Variants in ACSM3 observed in about 807,000 individuals in gnomAD.
ACSM3 encodes acyl-coenzyme A synthetase ACSM3, mitochondrial.
In ACSM3, 61 loss-of-function variants were observed where a neutral mutation model predicts 74.1. The observed-to-expected ratio is 0.82, with a 90% CI of 0.67 to 1.02. The LOEUF (loss-of-function observed/expected upper bound fraction) is 1.02, where lower values mean the gene tolerates loss of function less well. Ranked by LOEUF, ACSM3 falls within the 50% of genes least tolerant of loss-of-function variation. ACSM3 has a pLI of 0.00. For missense variants in ACSM3, 660 were observed against 697.0 expected (o/e 0.95, Z 0.60); for synonymous variants, 213 against 241.5 (o/e 0.88, Z 1.09).
At chr16:20,765,683 G>T (rs1255296246) in intron 1 of ACSM3, among the ~76,000 whole-genome samples, 2 of 152,110 alleles carry the variant, frequency 1.3e-5, no homozygotes, top group African/African-American at 4.8e-5. Context: ...GTACAGGTCT[G>T]GCATATACCA....
chr16:20,753,002 A>G (rs1008138576), intron 2 of ACSM3, among the ~76,000 whole-genome samples: 4 of 152,240 alleles, frequency 2.6e-5, no homozygotes, highest in African/African-American at 9.6e-5. Flanking sequence ...GAATTTGGGA[A>G]ACTTTAGAGG....
rs566370720 is a variant in ACSM3 at position 20,697,324 on chromosome 16, A to C, written c.-190+22502A>C. Among the ~76,000 whole-genome samples the C allele has an allele frequency of 3.3e-5, 5 of 152,134 alleles. No homozygotes were observed. The East Asian group carries it at 9.7e-4, about 29-fold the overall frequency. On this transcript the variant is annotated intron_variant, in intron 1 of 3. Coordinates refer to the ACSM3 transcript ENST00000561584. ...GATTTCCTTCAAACATTCATCTCTG[A>C]CTTTGTGCCTGTCTCCCACGGCTCA...
chr16:20,739,065 C>G, intron 1 of ACSM3: 1 of 1,614,124 alleles, frequency 6.2e-7, no homozygotes, highest in East Asian at 2.2e-5. Context: ...TGATCCTTGT[C>G]TGTAAACTGT....
intron 1 of ACSM3, chr16:20,738,855 A>G (rs2079892921): frequency 6.2e-7 from 1 of 1,601,442 alleles, no homozygotes; most frequent in Non-Finnish European, 8.5e-7. Flanking sequence ...GAAGATACCC[A>G]GATGTTATGA....
chr16:20,785,472 T>C (rs1489871969), intron 8 of ACSM3, among the ~76,000 whole-genome samples: 1 of 152,146 alleles, frequency 6.6e-6, no homozygotes, highest in East Asian at 1.9e-4. Context: ...GCCTGAAATA[T>C]TAAGAGTTTG....
chr16:20,767,020 G>C (rs1176785605), intron 1 of ACSM3, among the ~76,000 whole-genome samples: 1 of 152,148 alleles, frequency 6.6e-6, no homozygotes. Flanking sequence ...TTTGAGACTA[G>C]AGGTGGGAGG....
At chr16:20,700,907 C>T (rs925449920) in intron 1 of ACSM3, among the ~76,000 whole-genome samples, 5 of 152,032 alleles carry the variant, frequency 3.3e-5, no homozygotes, top group Admixed American at 1.3e-4. Flanking sequence ...GGATGCCAGT[C>T]GGGAGGCTAC....
In ACSM3 at chr16:20,780,516, C is replaced by T. The variant is rs568573861; in HGVS notation, c.639-198C>T. 44 of 1,104,106 alleles carry T rather than the reference C, an allele frequency of 4.0e-5. No individual in the cohort carries two copies. The African/African-American group carries it at 6.3e-4, about 16-fold the overall frequency. The allele number at this position is 1,104,106 out of a possible 1,614,324, so 68.4% of individuals were successfully genotyped here. ...GCTATTATAAATGGGCCTTTGATGA[C>T]AAAGTTTAGTTTTGATTCTAGAAAG... On this transcript the variant is annotated intron_variant, in intron 4 of 13. Coordinates refer to ENST00000289416, the MANE Select transcript of ACSM3 (RefSeq NM_005622.4).
intron 1 of ACSM3, among the ~76,000 whole-genome samples, chr16:20,745,513 C>G (rs900828822): frequency 5.1e-4 from 77 of 152,056 alleles, no homozygotes; most frequent in African/African-American, 1.7e-3. Flanking sequence ...ACCTGGGAGG[C>G]AGAGGTTGCA....
intron 1 of ACSM3, chr16:20,737,746 C>CT: frequency 6.2e-7 from 1 of 1,613,656 alleles, no homozygotes; most frequent in Non-Finnish European, 8.5e-7. Flanking sequence ...ATTCACATGA[C>CT]TGTTATTTCG....
At chr16:20,764,541 T>C (rs948769906) in intron 1 of ACSM3, 1 of 152,164 alleles carries the variant, frequency 6.6e-6, no homozygotes, top group Non-Finnish European at 1.5e-5. Flanking sequence ...TTGGCCAACA[T>C]GGTGAAACCC....
intron 1 of ACSM3, among the ~76,000 whole-genome samples, chr16:20,684,747 A>G (rs904856495): frequency 2.6e-5 from 4 of 151,762 alleles, no homozygotes; most frequent in Non-Finnish European, 4.4e-5. Flanking sequence ...TAAGAAAGGG[A>G]GAGAAAGAGA....
At chr16:20,791,194 T>C (rs2080588926) in intron 10 of ACSM3, among the ~76,000 whole-genome samples, 1 of 152,228 alleles carries the variant, frequency 6.6e-6, no homozygotes, top group South Asian at 2.1e-4. Flanking sequence ...ATCCAGATGC[T>C]ACTTGCCAGT....
chr16:20,722,186 G>A (rs1398593068), intron 1 of ACSM3: 1 of 152,160 alleles, frequency 6.6e-6, no homozygotes, highest in African/African-American at 2.4e-5. Context: ...TTACATAATT[G>A]GGGTATGAGC....
chr16:20,773,455 T>C (rs954667506), intron 2 of ACSM3, among the ~76,000 whole-genome samples: 2 of 152,162 alleles, frequency 1.3e-5, no homozygotes, highest in African/African-American at 4.8e-5. Flanking sequence ...AGATTGTTTA[T>C]TTGAAATCTT....
Position 20,785,172 on chromosome 16 carries a change from G to A in ACSM3, c.1143+65G>A, listed in dbSNP as rs1596529357. On this transcript the variant is annotated intron_variant, in intron 8 of 13. Coordinates refer to ENST00000289416, the MANE Select transcript of ACSM3 (RefSeq NM_005622.4). The stretch of plus-strand genomic sequence containing the variant: ...TAGTCAGATGAATAAAAACCAAAGT[G>A]TCCACAGTCTCCTTATGATTATTTG... 2.5e-6 allele frequency: 4 copies of A among 1,589,640 alleles called. No homozygotes were observed. In the East Asian group the frequency reaches 9.1e-5, roughly 36 times the overall value.
At chr16:20,785,477 A>G (rs1300601827) in intron 8 of ACSM3, among the ~76,000 whole-genome samples, 1 of 152,202 alleles carries the variant, frequency 6.6e-6, no homozygotes. Flanking sequence ...AAATATTAAG[A>G]GTTTGCTGGA....
intron 9 of ACSM3, 53 bp downstream of exon 9, chr16:20,786,211 C>T (rs2080471973): frequency 1.3e-6 from 2 of 1,582,982 alleles, no homozygotes; most frequent in East Asian, 4.6e-5. Context: ...TGTACACTAC[C>T]TACCTACCGC....
chr16:20,716,260 T>C (rs1338093294), intron 1 of ACSM3, among the ~76,000 whole-genome samples: 1 of 152,104 alleles, frequency 6.6e-6, no homozygotes, highest in East Asian at 1.9e-4. Context: ...AGAATTTTTG[T>C]ATAGGGATTG....
Sources: allele counts gnomAD v4.1 joint callset (sites outside exome capture counted in the v4.1 genomes callset), GRCh38; gene constraint gnomAD v4.1.1; transcripts MANE v1.5; gene names NCBI Gene and HGNC (gene_info 2026-07-23, HGNC 2026-07-21).